IL12RB2: variants seen among roughly 807,000 people sequenced by gnomAD.
IL12RB2 encodes the protein interleukin 12 receptor subunit beta 2, also known as interleukin-12 receptor subunit beta-2.
Under a neutral mutation model 89.4 loss-of-function variants are expected in IL12RB2, and 82 were observed. The observed-to-expected ratio is 0.92, with a 90% CI of 0.77 to 1.10. The LOEUF (loss-of-function observed/expected upper bound fraction) is 1.10, where lower values mean the gene tolerates loss of function less well. Among genes scored for constraint, IL12RB2 ranks in the 50% least tolerant of loss-of-function variants. The pLI is 0.00. For missense variants in IL12RB2, 963 were observed against 1,031.9 expected, an observed-to-expected ratio of 0.93 and a Z score of 0.92; for synonymous variants, 368 against 370.1, an observed-to-expected ratio of 0.99 and a Z score of 0.07.
chr1:67,394,473 A>C (rs1305843352), intron 16 of IL12RB2, among the ~76,000 whole-genome samples: 5 of 152,224 alleles, frequency 3.3e-5, no homozygotes, highest in Non-Finnish European at 5.9e-5. Flanking sequence ...AAGAGAAAAT[A>C]AGTGAGAGAA....
Position 67,328,378 on chromosome 1 carries a change from G to T in IL12RB2, c.658G>T (p.Asp220Tyr). 1.2e-6 allele frequency: 2 copies of T among 1,614,040 alleles called. No homozygotes were observed. Among genetic ancestry groups the T allele is most frequent in the Non-Finnish European group, 1.7e-6 (2 of 1,180,024 alleles). The change falls in exon 6 of 17, where the codon GAC (aspartate) becomes TAC (tyrosine). Residue 220 changes from aspartate to tyrosine, a missense_variant. Physicochemically the swap from Asp to Tyr is radical, Grantham distance 160. Coordinates refer to ENST00000674203, the MANE Select transcript of IL12RB2 (RefSeq NM_001374259.2). ...ACTTCCATCCACATTCACATTCTTG[G>T]ACATAGGTACATTTTATTTCACTGT... ...SSLPSTFTFLDIVRPLPPWDI... is the reference protein window; with the variant it reads ...SSLPSTFTFLYIVRPLPPWDI...
intron 2 of IL12RB2, among the ~76,000 whole-genome samples, chr1:67,317,354 A>G (rs1655911223): frequency 6.6e-6 from 1 of 152,252 alleles, no homozygotes; most frequent in Non-Finnish European, 1.5e-5. Flanking sequence ...AGTGACTCAC[A>G]AGAAACACAT....
intron 10 of IL12RB2, among the ~76,000 whole-genome samples, chr1:67,366,748 T>C (rs1258340098): frequency 6.6e-6 from 1 of 152,166 alleles, no homozygotes; most frequent in Non-Finnish European, 1.5e-5. Flanking sequence ...CAAGAGAACA[T>C]GCAAGAGAAT....
chr1:67,389,665 T>G (rs999858743), intron 15 of IL12RB2, among the ~76,000 whole-genome samples: 1 of 152,224 alleles, frequency 6.6e-6, no homozygotes, highest in Non-Finnish European at 1.5e-5. Flanking sequence ...ATATTCTAAT[T>G]AGCTAAATAG....
rs557237039 is a variant in IL12RB2, at chr1:67,310,316, G to A, written c.-125+2349G>A. 4.0e-5 allele frequency among the ~76,000 whole-genome samples: 6 copies of A among 151,086 alleles called. No individual in the cohort carries two copies. In the East Asian group the frequency reaches 7.8e-4, roughly 20 times the overall value. The stretch of plus-strand genomic sequence containing the variant: ...GTTTTTGTTTTTGTTTTCCAAATAA[G>A]TATTGAACATGTACATTATGGTCAG... On this transcript the variant is annotated intron_variant, in intron 1 of 16. Coordinates refer to ENST00000674203, the MANE Select transcript of IL12RB2 (RefSeq NM_001374259.2).
chr1:67,374,862 A>T, intron 13 of IL12RB2, among the ~76,000 whole-genome samples: 1 of 143,796 alleles, frequency 7.0e-6, no homozygotes. Context: ...TGATTCTTAA[A>T]GCTGCTCTTA....
chr1:67,390,832 C>A (rs1179573616), intron 16 of IL12RB2, among the ~76,000 whole-genome samples: 2 of 152,068 alleles, frequency 1.3e-5, no homozygotes, highest in African/African-American at 4.8e-5. Context: ...AGAGAAGTGG[C>A]AAGTCAATAT....
intron 3 of IL12RB2, among the ~76,000 whole-genome samples, chr1:67,321,050 C>T (rs910576158): frequency 1.4e-4 from 21 of 151,672 alleles, no homozygotes; most frequent in Non-Finnish European, 2.9e-5. Flanking sequence ...TGCCTCCCGC[C>T]GTCCACAAGT....
chr1:67,307,798 C>G (rs947797576), upstream of IL12RB2: 1 of 152,270 alleles, frequency 6.6e-6, no homozygotes, highest in South Asian at 2.1e-4. Context: ...GCGCCCACCC[C>G]GGAGTTGGTG....
intron 14 of IL12RB2, 43 bp from the exon 15 acceptor site, chr1:67,386,536 T>C (rs1316539013): frequency 2.3e-6 from 3 of 1,324,898 alleles, no homozygotes; most frequent in Non-Finnish European, 2.2e-6. Flanking sequence ...GAAATGTTCA[T>C]TGGTGATAAC....
intron 8 of IL12RB2, among the ~76,000 whole-genome samples, chr1:67,333,612 T>C (rs1658385085): frequency 6.6e-6 from 1 of 152,220 alleles, no homozygotes; most frequent in Non-Finnish European, 1.5e-5. Context: ...AAAAACACTT[T>C]TTAAATGACC....
chr1:67,335,199 G>C (rs868010300), intron 8 of IL12RB2, among the ~76,000 whole-genome samples: 4 of 152,268 alleles, frequency 2.6e-5, no homozygotes, highest in Non-Finnish European at 4.4e-5. Flanking sequence ...TATCTGCAAG[G>C]GGATGAAAAG....
intron 16 of IL12RB2, among the ~76,000 whole-genome samples, chr1:67,392,184 G>A (rs1418556195): frequency 6.6e-6 from 1 of 152,126 alleles, no homozygotes; most frequent in East Asian, 1.9e-4. Flanking sequence ...CAGGAGGAAG[G>A]TGATAGAAAT....
chr1:67,341,883 G>A (rs1185726942), intron 9 of IL12RB2, among the ~76,000 whole-genome samples: 1 of 152,222 alleles, frequency 6.6e-6, no homozygotes, highest in Non-Finnish European at 1.5e-5. Flanking sequence ...CAGAGTTATA[G>A]ACCTCTAGAG....
chr1:67,317,551 C>T (rs1209712593), intron 2 of IL12RB2, among the ~76,000 whole-genome samples: 1 of 152,156 alleles, frequency 6.6e-6, no homozygotes, highest in African/African-American at 2.4e-5. Context: ...ATTGGGCCCA[C>T]TTGGTTAATC....
chr1:67,344,332 G>A lies in IL12RB2; in HGVS notation c.1038+5629G>A, dbSNP rs527721539. Among the ~76,000 whole-genome samples, 18 of 152,144 alleles carry A rather than the reference G, an allele frequency of 1.2e-4. No homozygotes were observed. In the East Asian group the frequency reaches 2.9e-3, roughly 24 times the overall value. ...TTTTGAGATAGAGTCTCCCTCTGTG[G>A]CCCAGGCTGGAGTGCAGTGGCGTGA... On this transcript the variant is annotated intron_variant, in intron 9 of 16. Coordinates refer to ENST00000674203, the MANE Select transcript of IL12RB2 (RefSeq NM_001374259.2).
chr1:67,322,006 A>G, intron 4 of IL12RB2, 117 bp downstream of exon 4: 1 of 900,358 alleles, frequency 1.1e-6, no homozygotes, highest in Non-Finnish European at 1.8e-6. Context: ...TTTTCCCACC[A>G]CATTGAAGTA....
chr1:67,379,439 G>A (rs1664333888), intron 13 of IL12RB2, among the ~76,000 whole-genome samples: 1 of 150,344 alleles, frequency 6.7e-6, no homozygotes, highest in Admixed American at 6.7e-5. Flanking sequence ...GAACCCAGGA[G>A]GCGGAGGTTG....
At chr1:67,352,628 G>A (rs1402734825) in intron 10 of IL12RB2, among the ~76,000 whole-genome samples, 1 of 152,158 alleles carries the variant, frequency 6.6e-6, no homozygotes, top group East Asian at 1.9e-4. Context: ...AAAAAAAGAT[G>A]AGGAGAAGGT....
Sources: gnomAD v4.1 joint callset for allele counts (sites outside exome capture counted in the v4.1 genomes callset) on GRCh38, gnomAD v4.1.1 for gene constraint, MANE v1.5 for transcripts, NCBI Gene and HGNC (gene_info 2026-07-23, HGNC 2026-07-21) for gene names.